The following ZFAT variants were observed in gnomAD, a reference collection of about 807,000 sequenced individuals.
The protein encoded by ZFAT is zinc finger and AT-hook domain containing, also known as zinc finger protein ZFAT.
A neutral mutation model predicts 117.7 loss-of-function variants in ZFAT; 64 were observed. The observed-to-expected ratio is 0.54, with a 90% confidence interval of 0.44 to 0.67. The LOEUF (loss-of-function observed/expected upper bound fraction) is 0.67, where lower values mean the gene tolerates loss of function less well. Ranked by LOEUF, ZFAT falls within the 30% of genes least tolerant of loss-of-function variation. ZFAT has a pLI of 0.00. For synonymous variants in ZFAT, 679 were observed against 615.0 expected, an observed-to-expected ratio of 1.10 and a Z score of -1.54; for missense variants, 1,433 against 1,584.5, an observed-to-expected ratio of 0.90 and a Z score of 1.62.
the ZFAT span, among the ~76,000 whole-genome samples, chr8:134,777,153 G>T: frequency 6.6e-6 from 1 of 152,152 alleles, no homozygotes; most frequent in African/African-American, 2.4e-5. Context: ...GATGAAAGAA[G>T]ATTTTGCAAA....
intron 10 of ZFAT, among the ~76,000 whole-genome samples, chr8:134,567,705 C>CT (rs1257866696): frequency 1.4e-5 from 2 of 146,462 alleles, no homozygotes; most frequent in Admixed American, 1.4e-4. Context: ...ACCCCTCTCT[C>CT]TGACTTTCTC....
chr8:134,553,085 G>C (rs1290015106), intron 11 of ZFAT, among the ~76,000 whole-genome samples: 1 of 152,246 alleles, frequency 6.6e-6, no homozygotes, highest in African/African-American at 2.4e-5. Flanking sequence ...CCCTTCTGCA[G>C]GAGAATCACA....
intron 5 of ZFAT, among the ~76,000 whole-genome samples, chr8:134,607,394 C>T (rs1313445940): frequency 6.6e-6 from 1 of 152,252 alleles, no homozygotes; most frequent in Non-Finnish European, 1.5e-5. Flanking sequence ...GAGAGCACTA[C>T]ATGTGCCAGG....
chr8:134,693,301 G>A (rs1057123502), intron 1 of ZFAT, among the ~76,000 whole-genome samples: 4 of 152,106 alleles, frequency 2.6e-5, no homozygotes, highest in Non-Finnish European at 4.4e-5. Context: ...CAAAAGCGGG[G>A]GCACGCTGAA....
chr8:134,679,395 T>C (rs1331479309), intron 1 of ZFAT, among the ~76,000 whole-genome samples: 2 of 152,208 alleles, frequency 1.3e-5, no homozygotes, highest in African/African-American at 2.4e-5. Flanking sequence ...TGAGATACCA[T>C]CTCGCACCAG....
In ZFAT at chr8:134,478,736, C is replaced by T; in HGVS notation, c.3493-15G>A. ...TCCTCGGTGACCTGCGGGAGGAGGG[C>T]AAGAGAAAGGTCACCCAGCGCCTAC... On this transcript the variant is annotated splice_polypyrimidine_tract_variant and intron_variant, in intron 15 of 15. Coordinates refer to ENST00000377838, the MANE Select transcript of ZFAT (RefSeq NM_020863.4). The surrounding 1 kb of genome is among the most constrained non-coding windows in gnomAD (Gnocchi z 5.2). 6.5e-7 allele frequency: 1 copy of T among 1,544,398 alleles called. No individual in the cohort carries two copies. The highest frequency in any genetic ancestry group is 8.8e-7 in the Non-Finnish European group (1 of 1,142,798).
At chr8:134,691,425 T>C (rs1160343484) in intron 1 of ZFAT, among the ~76,000 whole-genome samples, 1 of 152,218 alleles carries the variant, frequency 6.6e-6, no homozygotes, top group Non-Finnish European at 1.5e-5. Context: ...AAGCCACCTG[T>C]AGCAGGTCCA....
intron 11 of ZFAT, among the ~76,000 whole-genome samples, chr8:134,557,988 G>A (rs1413779800): frequency 6.6e-6 from 1 of 152,200 alleles, no homozygotes; most frequent in Non-Finnish European, 1.5e-5. Context: ...GCAGATTATG[G>A]GCTGTGGGGC....
At chr8:134,719,060 G>T in the ZFAT span, among the ~76,000 whole-genome samples, 1 of 152,194 alleles carries the variant, frequency 6.6e-6, no homozygotes, top group Non-Finnish European at 1.5e-5. Flanking sequence ...CAGAAAAGCT[G>T]AAAATGTGGA....
intron 1 of ZFAT, among the ~76,000 whole-genome samples, chr8:134,675,184 T>C (rs1457485937): frequency 4.6e-5 from 7 of 152,158 alleles, no homozygotes; most frequent in African/African-American, 1.2e-4. Context: ...TCTAACCCAA[T>C]GCAAGGAAGC....
chr8:134,665,984 G>C (rs926380919), intron 1 of ZFAT, among the ~76,000 whole-genome samples: 4 of 152,206 alleles, frequency 2.6e-5, no homozygotes, highest in Non-Finnish European at 4.4e-5. Flanking sequence ...ACAGGTGACA[G>C]AGCACCCCTT....
chr8:134,779,630 T>G, the ZFAT span, among the ~76,000 whole-genome samples: 1 of 152,228 alleles, frequency 6.6e-6, no homozygotes, highest in Non-Finnish European at 1.5e-5. Context: ...AAGAATGATT[T>G]AGTTCTCCCT....
intron 11 of ZFAT, among the ~76,000 whole-genome samples, chr8:134,533,375 A>T (rs969933243): frequency 6.6e-6 from 1 of 152,206 alleles, no homozygotes; most frequent in African/African-American, 2.4e-5. Flanking sequence ...GGTGTCACAT[A>T]ATGACATTTC....
chr8:134,516,343 G>A (rs1295289720), intron 13 of ZFAT, among the ~76,000 whole-genome samples: 3 of 152,158 alleles, frequency 2.0e-5, no homozygotes, highest in Non-Finnish European at 4.4e-5. Flanking sequence ...CGCTTTGGAT[G>A]GTGGTCTCTT....
upstream of ZFAT, among the ~76,000 whole-genome samples, chr8:134,714,002 CAAAT>C (rs771809685): frequency 6.8e-5 from 10 of 147,098 alleles, no homozygotes; most frequent in African/African-American, 2.5e-4. Context: ...CTGTTCATGA[CAAAT>C]AACGTTTTTC....
At chr8:134,760,273 G>GAAAAAAAAAAAAAAAAAAA in the ZFAT span, among the ~76,000 whole-genome samples, 1 of 128,748 alleles carries the variant, frequency 7.8e-6, no homozygotes. Flanking sequence ...GTCTCAAAAA[G>GAAAAAAAAAAAAAAAAAAA]AAAAAAAAAA....
At chr8:134,600,217 A>G in intron 7 of ZFAT, 1 of 577,620 alleles carries the variant, frequency 1.7e-6, no homozygotes, top group Non-Finnish European at 3.1e-6. Context: ...TGCACAGGAA[A>G]CAATTTATTC....
At chr8:134,810,684 A>C in the ZFAT span, among the ~76,000 whole-genome samples, 1 of 152,158 alleles carries the variant, frequency 6.6e-6, no homozygotes. Context: ...AAATAAGAAA[A>C]CCCTACAACA....
At chr8:134,786,389 A>G in the ZFAT span, among the ~76,000 whole-genome samples, 2 of 152,204 alleles carry the variant, frequency 1.3e-5, no homozygotes, top group South Asian at 4.1e-4. Context: ...GGGTTTTGGT[A>G]AGCTATCATT....
Sources: gnomAD v4.1 joint callset for allele counts (sites outside exome capture counted in the v4.1 genomes callset) on GRCh38, gnomAD v4.1.1 for gene constraint, Gnocchi (gnomAD v3.1) non-coding constraint, MANE v1.5 for transcripts, NCBI Gene and HGNC (gene_info 2026-07-23, HGNC 2026-07-21) for gene names.